Variants in GSE1 observed in about 807,000 individuals in gnomAD.
The protein encoded by GSE1 is Gse1 coiled-coil protein, also known as genetic suppressor element 1.
GSE1 carries 32 observed loss-of-function variants against 112.6 expected under a neutral mutation model. The ratio of observed to expected loss-of-function variants is 0.28; its 90% CI spans 0.21 to 0.38. GSE1 has a LOEUF of 0.38. GSE1 is among the 10% of genes least tolerant of loss of function. The probability of loss-of-function intolerance (pLI) is 1.00; values close to 1 mark genes in which losing one functional copy is unlikely to be tolerated. For missense variants in GSE1, 2,348 were observed against 1,699.2 expected, an observed-to-expected ratio of 1.38 and a Z score of -6.71; for synonymous variants, 1,115 against 735.6, an observed-to-expected ratio of 1.52 and a Z score of -8.35.
At chr16:85,244,109 A>G (rs990961731) in intron 1 of GSE1, among the ~76,000 whole-genome samples, 1 of 152,202 alleles carries the variant, frequency 6.6e-6, no homozygotes, top group Admixed American at 6.5e-5. Flanking sequence ...TTGGGCAACA[A>G]GAGCAAGACT....
At chr16:85,413,794 G>T (rs764192096) in intron 2 of GSE1, among the ~76,000 whole-genome samples, 1 of 152,170 alleles carries the variant, frequency 6.6e-6, no homozygotes, top group Non-Finnish European at 1.5e-5. Context: ...GCCTTGAATT[G>T]TAATCCCCAG....
intron 1 of GSE1, among the ~76,000 whole-genome samples, chr16:85,340,118 T>C (rs2046592844): frequency 6.6e-6 from 1 of 152,118 alleles, no homozygotes; most frequent in African/African-American, 2.4e-5. Context: ...CGTTTAAGAA[T>C]CATCATGCAA....
intron 2 of GSE1, among the ~76,000 whole-genome samples, chr16:85,542,759 C>T (rs2044566291): frequency 6.6e-6 from 1 of 152,224 alleles, no homozygotes; most frequent in African/African-American, 2.4e-5. Flanking sequence ...GCCCTGCTGG[C>T]CCCACCTCTT....
chr16:85,540,508 G>C (rs139030556), intron 2 of GSE1, among the ~76,000 whole-genome samples: 191 of 152,342 alleles, frequency 1.3e-3, no homozygotes, highest in African/African-American at 4.4e-3. Context: ...ATTCAAATTT[G>C]CTAGGACCTG....
intron 2 of GSE1, among the ~76,000 whole-genome samples, chr16:85,528,842 G>T (rs1033601362): frequency 1.3e-5 from 2 of 152,136 alleles, no homozygotes; most frequent in Non-Finnish European, 2.9e-5. Flanking sequence ...TGGCTGCCTC[G>T]TGGAGGAGGT....
At chr16:85,553,317 C>A (rs1207427495), upstream of GSE1, among the ~76,000 whole-genome samples, 1 of 150,510 alleles carries the variant, frequency 6.6e-6, no homozygotes, top group South Asian at 2.1e-4. Flanking sequence ...CCGCTGCCGG[C>A]GGGTGCAAGG....
Position 85,174,476 on chromosome 16 carries a change from T to C in GSE1, c.2283+2669T>C, listed in dbSNP as rs568916550. 9.8e-5 allele frequency among the ~76,000 whole-genome samples: 15 copies of C among 152,320 alleles called. 1 individual carries two copies. The highest frequency in any genetic ancestry group is 8.3e-4 in the South Asian group (4 of 4,818). On this transcript the variant is annotated intron_variant, in intron 1 of 2. Coordinates refer to the GSE1 transcript ENST00000637419. ...GCTCTCAGCTCCCAGGGAAGCACGA[T>C]TGACAGCCGGGAGAATGCCGGAAAT...
At position 85,661,473 on chromosome 16, in the gene GSE1, A is replaced by C; in HGVS notation, c.1968A>C (p.Pro656=). 1 of 1,611,566 alleles carries C rather than the reference A, an allele frequency of 6.2e-7. No homozygotes were observed. Among genetic ancestry groups the C allele is most frequent in the Non-Finnish European group, 8.5e-7 (1 of 1,179,356 alleles). The part of the protein sequence containing the change: ...LDKYQPPPPP[P]REGGSLEHQP... Reference sequence around the variant, plus strand: ...AGTACCAGCCACCTCCGCCGCCACCACGAGAGGGAGGGAGCCTGGAGCACC... The same window carrying C: ...AGTACCAGCCACCTCCGCCGCCACCCCGAGAGGGAGGGAGCCTGGAGCACC... The change falls in exon 9 of 16, where the codon CCA becomes CCC. Residue 656 remains proline (P), a synonymous_variant. Transcript: ENST00000253458.
At chr16:85,233,828 A>T (rs1226718836) in intron 1 of GSE1, among the ~76,000 whole-genome samples, 1 of 152,158 alleles carries the variant, frequency 6.6e-6, no homozygotes, top group Admixed American at 6.5e-5. Context: ...CTGCCTGCTC[A>T]GCCCAAGTGG....
chr16:85,646,068 T>C (rs960870619), intron 2 of GSE1, among the ~76,000 whole-genome samples: 1 of 136,520 alleles, frequency 7.3e-6, no homozygotes, highest in African/African-American at 3.1e-5. Context: ...TTCCTATGCA[T>C]GCATTCTACC....
chr16:85,612,319 C>G (rs1181239298), upstream of GSE1, among the ~76,000 whole-genome samples: 1 of 152,018 alleles, frequency 6.6e-6, no homozygotes, highest in African/African-American at 2.4e-5. Context: ...CTCCGCGCCG[C>G]CTGTGGGTGC....
At chr16:85,572,906 GT>G (rs1372489645) in intron 1 of GSE1, among the ~76,000 whole-genome samples, 1 of 152,218 alleles carries the variant, frequency 6.6e-6, no homozygotes, top group Non-Finnish European at 1.5e-5. Context: ...GCAGCCCTCT[GT>G]CGCCCAGACT....
chr16:85,486,367 A>G (rs962367715), intron 2 of GSE1, among the ~76,000 whole-genome samples: 2 of 152,164 alleles, frequency 1.3e-5, no homozygotes, highest in African/African-American at 4.8e-5. Flanking sequence ...GAAGCCTTCC[A>G]AGGGCAGCAG....
At chr16:85,577,027 C>T (rs1489962092) in intron 1 of GSE1, among the ~76,000 whole-genome samples, 2 of 152,176 alleles carry the variant, frequency 1.3e-5, no homozygotes, top group Admixed American at 1.3e-4. Flanking sequence ...TGGAGGTGAG[C>T]TGACCATCCC....
exon 1 of GSE1, chr16:85,170,721 C>T: frequency 1.0e-6 from 1 of 985,646 alleles, no homozygotes; most frequent in Non-Finnish European, 1.2e-6. Flanking sequence ...CGTTCTTCCC[C>T]TTCCTGTGGC....
rs1338691180 is a variant in GSE1 at position 85,655,856 on chromosome 16, C to T, written c.928C>T (p.Leu310Phe). The T allele has an allele frequency of 1.9e-6, 3 of 1,609,544 alleles. No individual in the cohort carries two copies. Among genetic ancestry groups the T allele is most frequent in the Non-Finnish European group, 2.5e-6 (3 of 1,179,896 alleles). ...HLSGVRYPPE[L>F]SHSSLAALHS... The stretch of plus-strand genomic sequence containing the variant: ...CTCTGGGGTCCGCTACCCTCCCGAG[C>T]TCTCCCACTCATCCCTGGCAGCGCT... The change falls in exon 6 of 16, where the codon CTC becomes TTC. Residue 310 changes from leucine to phenylalanine, a missense_variant. Transcript: ENST00000253458.
At chr16:85,659,309 C>A (rs999243049) in intron 8 of GSE1, 1 of 152,200 alleles carries the variant, frequency 6.6e-6, no homozygotes, top group Non-Finnish European at 1.5e-5. Context: ...CAAGCTTTGC[C>A]CAGGGTCTCT....
chr16:85,244,344 A>G (rs1271313925), intron 1 of GSE1, among the ~76,000 whole-genome samples: 4 of 152,202 alleles, frequency 2.6e-5, no homozygotes, highest in African/African-American at 9.7e-5. Context: ...GGTGGCTTCT[A>G]GAAGCTGGAA....
chr16:85,598,129 TTC>T (rs950957807), intron 1 of GSE1, among the ~76,000 whole-genome samples: 1 of 151,668 alleles, frequency 6.6e-6, no homozygotes, highest in Non-Finnish European at 1.5e-5. Context: ...ATCGGCGTTT[TTC>T]TCTCTCTCTT....
Sources: allele counts gnomAD v4.1 joint callset (sites outside exome capture counted in the v4.1 genomes callset), GRCh38; gene constraint gnomAD v4.1.1; transcripts MANE v1.5; gene names NCBI Gene and HGNC (gene_info 2026-07-23, HGNC 2026-07-21).